Variants in CENPK observed in about 807,000 individuals in gnomAD.
The protein encoded by CENPK is centromere protein K, also known as SoxLZ/Sox6-binding protein Solt.
Under a neutral mutation model 40.9 loss-of-function variants are expected in CENPK, and 46 were observed. The observed-to-expected ratio is 1.13, with a 90% CI of 0.89 to 1.44. The LOEUF is 1.44. Ranked by LOEUF, CENPK falls within the 40% of genes most tolerant of loss-of-function variation. The probability of loss-of-function intolerance (pLI) is 0.00; values close to 1 mark genes in which losing one functional copy is unlikely to be tolerated. For synonymous variants in CENPK, 107 were observed against 104.4 expected, an observed-to-expected ratio of 1.02 and a Z score of -0.15; for missense variants, 288 against 303.5, an observed-to-expected ratio of 0.95 and a Z score of 0.38.
At position 65,551,620 on chromosome 5, in the gene CENPK, A is replaced by T; in HGVS notation, c.185T>A (p.Met62Lys). The T allele has an allele frequency of 1.3e-6, 2 of 1,569,046 alleles. No individual in the cohort carries two copies. Among genetic ancestry groups the T allele is most frequent in the Admixed American group, 1.8e-5 (1 of 55,254 alleles). Residue 62 changes from methionine to lysine, a missense_variant, in exon 5 of 11, where the codon ATG becomes AAG. By Grantham distance (95) the Met-to-Lys change is moderately conservative. Transcript: ENST00000396679. ...DSNAQLSLLI[M>K]QVKCLTAELS... ...TTCAGCGGTTAAACATTTTACTTGC[A>T]TAATTAACAATGATAGCTACAAAAG...
In CENPK at chr5:65,551,630, A is replaced by C. The variant is rs1750068401; in HGVS notation, c.175T>G (p.Leu59Val). 1.3e-6 allele frequency: 2 copies of C among 1,557,342 alleles called. No homozygotes were observed. The highest frequency in any genetic ancestry group is 2.3e-5 in the East Asian group (1 of 43,822). ...AAACATTTTACTTGCATAATTAACA[A>C]TGATAGCTACAAAAGAAGAAAACAA... ...TLTDSNAQLS[L>V]LIMQVKCLTA... Residue 59 changes from leucine (L) to valine (V), a missense_variant, in exon 5 of 11, where the codon TTG (leucine) becomes GTG (valine). Coordinates refer to ENST00000396679, the MANE Select transcript of CENPK (RefSeq NM_022145.5).
At chr5:65,498,099 C>T in the CENPK span, among the ~76,000 whole-genome samples, 2 of 152,056 alleles carry the variant, frequency 1.3e-5, no homozygotes, top group Non-Finnish European at 2.9e-5. Context: ...TTGGATTTTG[C>T]ATCTACGTTC....
At chr5:65,504,280 A>C in the CENPK span, among the ~76,000 whole-genome samples, 1 of 151,718 alleles carries the variant, frequency 6.6e-6, no homozygotes, top group African/African-American at 2.4e-5. Context: ...AACATGGTGA[A>C]ACCCCATCTC....
At chr5:65,502,130 G>A in the CENPK span, among the ~76,000 whole-genome samples, 19 of 152,280 alleles carry the variant, frequency 1.2e-4, no homozygotes, top group East Asian at 2.5e-3. Flanking sequence ...CAGGGGTGGT[G>A]GTAGGGTGGT....
At chr5:65,510,200 G>C in the CENPK span, among the ~76,000 whole-genome samples, 3 of 152,122 alleles carry the variant, frequency 2.0e-5, no homozygotes, top group Non-Finnish European at 4.4e-5. Flanking sequence ...TGGGAGTCTG[G>C]CACCAATAGT....
the CENPK span, among the ~76,000 whole-genome samples, chr5:65,510,004 T>G: frequency 6.6e-6 from 1 of 152,226 alleles, no homozygotes; most frequent in Non-Finnish European, 1.5e-5. Flanking sequence ...TGTTCCCTTG[T>G]CTCCCTCTCC....
At chr5:65,534,341 G>C (rs1746486631) in intron 6 of CENPK, among the ~76,000 whole-genome samples, 2 of 152,212 alleles carry the variant, frequency 1.3e-5, no homozygotes, top group Non-Finnish European at 2.9e-5. Flanking sequence ...TTCAATCAAA[G>C]TTCCAGCTTT....
At chr5:65,505,523 C>A in the CENPK span, among the ~76,000 whole-genome samples, 2 of 152,146 alleles carry the variant, frequency 1.3e-5, no homozygotes, top group Non-Finnish European at 1.5e-5. Context: ...TACCTGTAGT[C>A]CAAGCTACTT....
the CENPK span, among the ~76,000 whole-genome samples, chr5:65,507,998 C>T: frequency 6.6e-6 from 1 of 152,176 alleles, no homozygotes; most frequent in East Asian, 1.9e-4. Flanking sequence ...AATAATACTA[C>T]AGAAACAATG....
intron 5 of CENPK, 118 bp from the exon 6 acceptor site, chr5:65,542,966 A>T: frequency 1.3e-6 from 1 of 799,818 alleles, no homozygotes; most frequent in South Asian, 1.9e-5. Flanking sequence ...ATAATATACA[A>T]CTTTTTCTCC....
chr5:65,540,558 C>A (rs1747788062), intron 6 of CENPK, among the ~76,000 whole-genome samples: 1 of 152,156 alleles, frequency 6.6e-6, no homozygotes, highest in Admixed American at 6.5e-5. Context: ...AGCACCACCC[C>A]TGAAAACTCT....
rs1418785465 is a variant in CENPK at position 65,563,083 on chromosome 5, C to T, written c.-142+15G>A. On this transcript the variant is annotated intron_variant, in intron 1 of 10. Coordinates refer to ENST00000396679, the MANE Select transcript of CENPK (RefSeq NM_022145.5). ...GATTCAACCGTTATATCAACCTCCC[C>T]GGCCCAGGTCTTACCATCACAGCGT... The T allele has an allele frequency of 4.2e-6, 2 of 476,416 alleles. No homozygotes were observed. Among genetic ancestry groups the T allele is most frequent in the Non-Finnish European group, 7.5e-6 (2 of 267,562 alleles). 29.5% of individuals were successfully genotyped at this position (476,416 alleles called of 1,614,324 possible).
Position 65,557,515 on chromosome 5 carries a change from C to A in CENPK, c.-39-2569G>T, listed in dbSNP as rs915651896. The stretch of plus-strand genomic sequence containing the variant: ...ACCCAGGCACCATGTTATGCGAAAG[C>A]CCAAAGTAGCACAAAAGGAAGAGAT... On this transcript the variant is annotated intron_variant, in intron 2 of 10. Transcript: ENST00000396679. Among the ~76,000 whole-genome samples the A allele has an allele frequency of 5.9e-5, 9 of 152,274 alleles. No homozygotes were observed. The South Asian group carries it at 1.2e-3, about 21-fold the overall frequency.
intron 6 of CENPK, among the ~76,000 whole-genome samples, chr5:65,530,171 A>G (rs1672111144): frequency 6.6e-6 from 1 of 152,204 alleles, no homozygotes; most frequent in Non-Finnish European, 1.5e-5. Flanking sequence ...TATTTATTCA[A>G]TCAATTATTC....
chr5:65,536,140 A>C (rs1746854024), intron 6 of CENPK, among the ~76,000 whole-genome samples: 1 of 152,148 alleles, frequency 6.6e-6, no homozygotes, highest in Non-Finnish European at 1.5e-5. Context: ...CTAAAATGAA[A>C]GTTTTTGGGA....
the CENPK span, among the ~76,000 whole-genome samples, chr5:65,508,290 A>C: frequency 6.6e-6 from 1 of 152,194 alleles, no homozygotes; most frequent in Non-Finnish European, 1.5e-5. Flanking sequence ...TATTTGCCTA[A>C]AGACAACTTT....
chr5:65,559,795 T>C (rs1318803785), intron 2 of CENPK, among the ~76,000 whole-genome samples: 1 of 152,140 alleles, frequency 6.6e-6, no homozygotes, highest in Non-Finnish European at 1.5e-5. Flanking sequence ...AAAGCCTTTC[T>C]TGACTTTCTA....
chr5:65,535,232 G>A (rs913627383), intron 6 of CENPK, among the ~76,000 whole-genome samples: 18 of 152,052 alleles, frequency 1.2e-4, no homozygotes, highest in Non-Finnish European at 2.1e-4. Flanking sequence ...ACCCTGTCGA[G>A]GATGGAAGGG....
chr5:65,540,182 T>C (rs1747715446), intron 6 of CENPK, among the ~76,000 whole-genome samples: 1 of 152,224 alleles, frequency 6.6e-6, no homozygotes, highest in Non-Finnish European at 1.5e-5. Context: ...TCATTTTTTA[T>C]TAGCAATTTA....
Sources: allele counts gnomAD v4.1 joint callset (sites outside exome capture counted in the v4.1 genomes callset), GRCh38; gene constraint gnomAD v4.1.1; transcripts MANE v1.5; gene names NCBI Gene and HGNC (gene_info 2026-07-23, HGNC 2026-07-21).